NRXN1: variants seen among roughly 807,000 people sequenced by gnomAD.
The protein encoded by NRXN1 is neurexin-1.
A neutral mutation model predicts 150.9 loss-of-function variants in NRXN1; 39 were observed. The observed-to-expected ratio is 0.26, with a 90% confidence interval of 0.20 to 0.34. NRXN1 has a LOEUF of 0.34. NRXN1 is among the 10% of genes least tolerant of loss of function. The pLI, the probability that NRXN1 is intolerant of heterozygous loss-of-function variation, is 1.00. For missense variants in NRXN1, 1,815 were observed against 1,949.9 expected (o/e 0.93, Z 1.30); for synonymous variants, 924 against 757.0 (o/e 1.22, Z -3.62).
intron 17 of NRXN1, among the ~76,000 whole-genome samples, chr2:50,261,320 C>T (rs997534592): frequency 1.3e-5 from 2 of 151,714 alleles, no homozygotes; most frequent in African/African-American, 2.4e-5. Context: ...CTTTGCTTAA[C>T]AAGTGTATAT....
At chr2:50,736,957 A>G (rs1698831941) in intron 5 of NRXN1, among the ~76,000 whole-genome samples, 1 of 152,166 alleles carries the variant, frequency 6.6e-6, no homozygotes, top group African/African-American at 2.4e-5. Context: ...GGTATCTTGA[A>G]TTAAGAATGA....
At chr2:50,318,923 C>A (rs1266747712) in intron 17 of NRXN1, among the ~76,000 whole-genome samples, 2 of 151,968 alleles carry the variant, frequency 1.3e-5, no homozygotes, top group Non-Finnish European at 2.9e-5. Context: ...TTAGTAGACA[C>A]ACATGAATTA....
intron 18 of NRXN1, among the ~76,000 whole-genome samples, chr2:50,184,620 T>C (rs1017089360): frequency 2.6e-5 from 4 of 152,164 alleles, no homozygotes; most frequent in South Asian, 4.1e-4. Context: ...GTGATTTTCA[T>C]TTAAATTAGA....
At chr2:50,163,735 C>T (rs889143136) in intron 18 of NRXN1, among the ~76,000 whole-genome samples, 13 of 152,042 alleles carry the variant, frequency 8.6e-5, no homozygotes, top group African/African-American at 1.4e-4. Flanking sequence ...TTTTTCTTGA[C>T]GTGTGTTAAC....
intron 5 of NRXN1, among the ~76,000 whole-genome samples, chr2:50,921,234 G>A (rs924239243): frequency 6.6e-6 from 1 of 151,650 alleles, no homozygotes; most frequent in Admixed American, 6.6e-5. Flanking sequence ...TCTGGATTTC[G>A]TACCAACATC....
intron 18 of NRXN1, among the ~76,000 whole-genome samples, chr2:50,111,373 T>G (rs561985265): frequency 6.1e-4 from 93 of 152,200 alleles, no homozygotes; most frequent in African/African-American, 2.2e-3. Context: ...TGCGGCATGG[T>G]GGTCACTCCC....
chr2:50,123,380 G>A (rs1172653916), intron 18 of NRXN1, among the ~76,000 whole-genome samples: 2 of 152,172 alleles, frequency 1.3e-5, no homozygotes, highest in Non-Finnish European at 2.9e-5. Context: ...TACATAGAAA[G>A]GCTTGGAGGT....
chr2:50,250,688 T>C (rs761687406), intron 17 of NRXN1, among the ~76,000 whole-genome samples: 23 of 152,018 alleles, frequency 1.5e-4, no homozygotes, highest in African/African-American at 4.6e-4. Context: ...AATATTAATG[T>C]CATAAGAAAG....
At chr2:50,126,180 T>G (rs1349341291) in intron 18 of NRXN1, among the ~76,000 whole-genome samples, 1 of 152,120 alleles carries the variant, frequency 6.6e-6, no homozygotes, top group Non-Finnish European at 1.5e-5. Flanking sequence ...ATACAGAAAT[T>G]GAGATATTAG....
At chr2:50,000,765 A>C (rs1164438435) in intron 21 of NRXN1, among the ~76,000 whole-genome samples, 1 of 152,126 alleles carries the variant, frequency 6.6e-6, no homozygotes, top group Non-Finnish European at 1.5e-5. Context: ...GACTCTGTAG[A>C]TTGTTCGCTG....
chr2:50,763,977 T>C (rs148678249), intron 5 of NRXN1, among the ~76,000 whole-genome samples: 138 of 151,668 alleles, frequency 9.1e-4, no homozygotes, highest in African/African-American at 3.2e-3. Context: ...TGGGAATGCA[T>C]TAGAACTAAA....
At chr2:50,616,300 T>C (rs1239451418) in intron 8 of NRXN1, 1 of 152,194 alleles carries the variant, frequency 6.6e-6, no homozygotes, top group Non-Finnish European at 1.5e-5. Context: ...GAGCTAATCT[T>C]ATTTTATTTT....
intron 5 of NRXN1, chr2:50,632,480 G>A (rs1484285766): frequency 6.6e-6 from 1 of 151,912 alleles, no homozygotes; most frequent in African/African-American, 2.4e-5. Flanking sequence ...TGGTTTGAAG[G>A]ACAGTATCAT....
chr2:50,184,489 T>C (rs1277991502), intron 18 of NRXN1, among the ~76,000 whole-genome samples: 1 of 152,022 alleles, frequency 6.6e-6, no homozygotes, highest in East Asian at 1.9e-4. Context: ...ATGAGACAGC[T>C]GCAAAATCAA....
At chr2:51,030,024 A>G (rs1360662083) in intron 1 of NRXN1, among the ~76,000 whole-genome samples, 1 of 152,120 alleles carries the variant, frequency 6.6e-6, no homozygotes, top group East Asian at 1.9e-4. Flanking sequence ...GTACCTTTGA[A>G]TCACTCACTA....
At chr2:50,138,790 G>A (rs1706804299) in intron 18 of NRXN1, among the ~76,000 whole-genome samples, 1 of 152,106 alleles carries the variant, frequency 6.6e-6, no homozygotes, top group African/African-American at 2.4e-5. Flanking sequence ...ACACTCAAAA[G>A]GTCCCCAAAG....
At chr2:50,945,636 C>T (rs944958686) in intron 2 of NRXN1, among the ~76,000 whole-genome samples, 1 of 151,350 alleles carries the variant, frequency 6.6e-6, no homozygotes, top group South Asian at 2.1e-4. Context: ...TTTGCTCATC[C>T]CTGACCTAGA....
chr2:49,945,224 G>A (rs1672681935), intron 21 of NRXN1: 2 of 151,964 alleles, frequency 1.3e-5, no homozygotes, highest in Non-Finnish European at 2.9e-5. Flanking sequence ...AGAAAGGGAA[G>A]GTGAAAATAT....
At chr2:50,067,495 A>G (rs749242942) in intron 19 of NRXN1, among the ~76,000 whole-genome samples, 1 of 152,206 alleles carries the variant, frequency 6.6e-6, no homozygotes, top group Non-Finnish European at 1.5e-5. Flanking sequence ...CCCATTGCAA[A>G]GGCACTGGAG....
Sources: allele counts gnomAD v4.1 joint callset (sites outside exome capture counted in the v4.1 genomes callset), GRCh38; gene constraint gnomAD v4.1.1; transcripts MANE v1.5; gene names NCBI Gene and HGNC (gene_info 2026-07-23, HGNC 2026-07-21).